The following CLEC16A variants were observed in gnomAD, a reference collection of about 807,000 sequenced individuals.
CLEC16A encodes the protein C-type lectin domain containing 16A, also known as protein CLEC16A.
A neutral mutation model predicts 109.5 loss-of-function variants in CLEC16A; 51 were observed. That is an observed-to-expected ratio of 0.47 (90% CI 0.37 to 0.59). The LOEUF (loss-of-function observed/expected upper bound fraction) is 0.59, where lower values mean the gene tolerates loss of function less well. CLEC16A is among the 20% of genes least tolerant of loss of function. The pLI, the probability that CLEC16A is intolerant of heterozygous loss-of-function variation, is 0.00. For synonymous variants in CLEC16A, 673 were observed against 564.2 expected (o/e 1.19, Z -2.73); for missense variants, 1,339 against 1,394.0 (o/e 0.96, Z 0.63).
At chr16:11,063,644 G>T (rs2152910660) in intron 19 of CLEC16A, among the ~76,000 whole-genome samples, 1 of 152,236 alleles carries the variant, frequency 6.6e-6, no homozygotes, top group East Asian at 1.9e-4. Context: ...ACAGCGTAAA[G>T]GATATTCCCC....
At chr16:11,075,396 G>GTGTGTGTGTC (rs2049298767) in intron 19 of CLEC16A, among the ~76,000 whole-genome samples, 4 of 133,280 alleles carry the variant, frequency 3.0e-5, no homozygotes, top group South Asian at 4.9e-4. Context: ...GTGTGTGTGT[G>GTGTGTGTGTC]TGTGTGTGTG....
intron 22 of CLEC16A, among the ~76,000 whole-genome samples, chr16:11,145,603 G>A (rs1039487529): frequency 6.6e-6 from 1 of 152,264 alleles, no homozygotes; most frequent in Non-Finnish European, 1.5e-5. Flanking sequence ...TCCCATTGCA[G>A]CCAAAGCAGC....
In CLEC16A at chr16:10,972,571, A is replaced by G; in HGVS notation, c.604+12A>G. 6.2e-7 allele frequency: 1 copy of G among 1,610,584 alleles called. No homozygotes were observed. The highest frequency in any genetic ancestry group is 1.3e-5 in the African/African-American group (1 of 74,798). On this transcript the variant is annotated intron_variant, in intron 6 of 23. Transcript: ENST00000409790. ...TATTCCAGTGTCATGTAAGTTATTA[A>G]CCTCTGGTTTTCTGCTTTCTTAATC... is the stretch of plus-strand genomic sequence containing the variant.
intron 11 of CLEC16A, among the ~76,000 whole-genome samples, chr16:11,006,224 C>T (rs2044999698): frequency 1.3e-5 from 2 of 152,104 alleles, no homozygotes; most frequent in Admixed American, 6.5e-5. Context: ...CCTCTTCCCA[C>T]CCCCAGAGAT....
intron 4 of CLEC16A, 117 bp from the exon 5 acceptor site, chr16:10,971,008 A>AC (rs2042758177): frequency 6.5e-5 from 33 of 506,588 alleles, no homozygotes; most frequent in Admixed American, 1.9e-4. Flanking sequence ...CATTGGCAAC[A>AC]TTTTTTTTTT....
chr16:11,155,883 C>G (rs1456200681), intron 22 of CLEC16A, among the ~76,000 whole-genome samples: 1 of 152,210 alleles, frequency 6.6e-6, no homozygotes, highest in Non-Finnish European at 1.5e-5. Flanking sequence ...AAGTATGTGT[C>G]AACGGCAGGT....
At chr16:10,993,131 C>A (rs551229359) in intron 10 of CLEC16A, among the ~76,000 whole-genome samples, 14 of 152,212 alleles carry the variant, frequency 9.2e-5, no homozygotes, top group Admixed American at 8.5e-4. Flanking sequence ...GTGGTTCATG[C>A]CTGTAATCCC....
chr16:11,050,786 T>C (rs1263008725), intron 17 of CLEC16A, among the ~76,000 whole-genome samples: 1 of 152,172 alleles, frequency 6.6e-6, no homozygotes, highest in Non-Finnish European at 1.5e-5. Flanking sequence ...CAGCAGGAGG[T>C]GATCCCAGCA....
At chr16:11,027,583 A>T in intron 13 of CLEC16A, 3 of 1,543,556 alleles carry the variant, frequency 1.9e-6, no homozygotes, top group Admixed American at 1.7e-5. Flanking sequence ...TGCTTGGAAG[A>T]CCTCATTCAT....
intron 13 of CLEC16A, chr16:11,027,462 T>C: frequency 6.3e-7 from 1 of 1,578,920 alleles, no homozygotes; most frequent in Non-Finnish European, 8.6e-7. Context: ...AAATCTGAAG[T>C]CTGTCCGAGA....
intron 19 of CLEC16A, among the ~76,000 whole-genome samples, chr16:11,094,549 C>T (rs368410269): frequency 6.6e-6 from 1 of 152,220 alleles, no homozygotes; most frequent in Non-Finnish European, 1.5e-5. Context: ...ACCACCTCCC[C>T]CCCTACAACT....
intron 1 of CLEC16A, among the ~76,000 whole-genome samples, chr16:10,947,164 A>G (rs1246171305): frequency 1.3e-5 from 2 of 152,340 alleles, no homozygotes; most frequent in South Asian, 2.1e-4. Context: ...AGCTTAATCC[A>G]TATTACAGCC....
chr16:11,142,833 C>T (rs757943734), intron 22 of CLEC16A, among the ~76,000 whole-genome samples: 6 of 152,142 alleles, frequency 3.9e-5, no homozygotes, highest in Non-Finnish European at 8.8e-5. Context: ...TTTTTGGAGA[C>T]AGAGTCTTGC....
chr16:11,063,411 A>C (rs1339379509), intron 19 of CLEC16A, among the ~76,000 whole-genome samples: 3 of 151,700 alleles, frequency 2.0e-5, no homozygotes, highest in African/African-American at 7.3e-5. Context: ...CAGGTGAAGG[A>C]CAGGTGAAGC....
intron 13 of CLEC16A, among the ~76,000 whole-genome samples, chr16:11,032,143 A>G (rs78161439): frequency 5.5e-4 from 84 of 152,304 alleles, no homozygotes; most frequent in Non-Finnish European, 1.0e-3. Context: ...CACCCGGGCT[A>G]TGGTAGAGGA....
At chr16:11,145,784 T>C (rs1240171042) in intron 22 of CLEC16A, among the ~76,000 whole-genome samples, 2 of 152,250 alleles carry the variant, frequency 1.3e-5, no homozygotes, top group African/African-American at 2.4e-5. Flanking sequence ...CCTTGCCCTC[T>C]ATGGTCCATT....
rs1373100566 is a variant in CLEC16A at position 11,047,294 on chromosome 16, A to T, written c.1818A>T (p.Gly606=). Residue 606 remains glycine, a splice_region_variant and synonymous_variant, in exon 17 of 24, where the codon GGA becomes GGT. Transcript: ENST00000409790. The stretch of plus-strand genomic sequence containing the variant: ...TCCCTCCCTTCCTTTCTTTTTAGGG[A>T]GAAGACATTTTTTTGGACATGTTTG... ...SVHLVRHFYK[G]EDIFLDMFED... is the part of the protein sequence containing the mutation. 2.5e-6 allele frequency: 4 copies of T among 1,609,440 alleles called. No individual in the cohort carries two copies. The highest frequency in any genetic ancestry group is 4.5e-5 in the East Asian group (2 of 44,606).
intron 22 of CLEC16A, among the ~76,000 whole-genome samples, chr16:11,155,287 T>TAAA (rs1203894671): frequency 1.3e-5 from 2 of 152,254 alleles, no homozygotes; most frequent in African/African-American, 4.8e-5. Flanking sequence ...GGTGTCACTC[T>TAAA]GCTTTAGAGT....
intron 22 of CLEC16A, among the ~76,000 whole-genome samples, chr16:11,151,242 T>C (rs2054280048): frequency 6.6e-6 from 1 of 152,228 alleles, no homozygotes. Flanking sequence ...GAAATCTTGG[T>C]CTACATTTCC....
Sources: allele counts gnomAD v4.1 joint callset (sites outside exome capture counted in the v4.1 genomes callset), GRCh38; gene constraint gnomAD v4.1.1; transcripts MANE v1.5; gene names NCBI Gene and HGNC (gene_info 2026-07-23, HGNC 2026-07-21).